Variants in PDE1A observed in about 807,000 individuals in gnomAD.
PDE1A encodes the protein dual specificity calcium/calmodulin-dependent 3',5'-cyclic nucleotide phosphodiesterase 1A.
In PDE1A, 35 loss-of-function variants were observed where a neutral mutation model predicts 61.7. That is an observed-to-expected ratio of 0.57 (90% CI 0.43 to 0.75). The LOEUF is 0.75. PDE1A is among the 30% of genes least tolerant of loss of function. PDE1A has a pLI of 0.00. For synonymous variants in PDE1A, 232 were observed against 213.2 expected (o/e 1.09, Z -0.77); for missense variants, 597 against 630.6 (o/e 0.95, Z 0.57).
chr2:182,178,358 A>G (rs547873960), intron 13 of PDE1A, among the ~76,000 whole-genome samples: 3 of 152,254 alleles, frequency 2.0e-5, no homozygotes. Flanking sequence ...GGTGCCATTC[A>G]AATTGGAGGA....
intron 1 of PDE1A, among the ~76,000 whole-genome samples, chr2:182,397,651 G>A (rs187709606): frequency 6.6e-6 from 1 of 152,208 alleles, no homozygotes; most frequent in East Asian, 1.9e-4. Flanking sequence ...ATACAACGGT[G>A]TCTTTTCAGT....
the PDE1A span, among the ~76,000 whole-genome samples, chr2:182,603,965 C>T: frequency 6.6e-6 from 1 of 151,858 alleles, no homozygotes; most frequent in Non-Finnish European, 1.5e-5. Flanking sequence ...TAAAAGTAAA[C>T]CCTTTCATAA....
At chr2:182,638,907 A>T in the PDE1A span, among the ~76,000 whole-genome samples, 1 of 152,176 alleles carries the variant, frequency 6.6e-6, no homozygotes, top group African/African-American at 2.4e-5. Context: ...AAAGTGTAGC[A>T]AAGATACTCA....
At chr2:182,439,175 G>A (rs1034065089) in intron 2 of PDE1A, among the ~76,000 whole-genome samples, 3 of 151,966 alleles carry the variant, frequency 2.0e-5, no homozygotes, top group African/African-American at 7.2e-5. Context: ...GAAGTATAAT[G>A]GTAAGTTTAT....
intron 3 of PDE1A, among the ~76,000 whole-genome samples, chr2:182,237,735 C>T (rs2125676663): frequency 6.6e-6 from 1 of 152,250 alleles, no homozygotes; most frequent in African/African-American, 2.4e-5. Flanking sequence ...ACCTCTGGAA[C>T]GGTAAAAGGG....
At chr2:182,530,585 A>T in the PDE1A span, among the ~76,000 whole-genome samples, 4 of 152,226 alleles carry the variant, frequency 2.6e-5, no homozygotes, top group Non-Finnish European at 5.9e-5. Context: ...TGGATTTGTC[A>T]TCAGAAACCA....
chr2:182,276,892 C>T (rs1312465238), intron 1 of PDE1A, among the ~76,000 whole-genome samples: 1 of 151,958 alleles, frequency 6.6e-6, no homozygotes, highest in Non-Finnish European at 1.5e-5. Context: ...CTGAAATACG[C>T]CCTGGTCTCC....
chr2:182,235,847 C>T (rs916880280), intron 3 of PDE1A, among the ~76,000 whole-genome samples: 12 of 152,148 alleles, frequency 7.9e-5, no homozygotes, highest in African/African-American at 2.2e-4. Context: ...TTTATAAAAC[C>T]GCTATAGAAG....
intron 2 of PDE1A, among the ~76,000 whole-genome samples, chr2:182,513,008 G>A (rs371886449): frequency 1.3e-5 from 2 of 152,114 alleles, no homozygotes; most frequent in Admixed American, 1.3e-4. Flanking sequence ...GAGAGAGCAA[G>A]CAACTTGGAA....
the PDE1A span, among the ~76,000 whole-genome samples, chr2:182,677,024 A>C: frequency 6.6e-6 from 1 of 152,154 alleles, no homozygotes; most frequent in African/African-American, 2.4e-5. Context: ...ATGCTCTCTC[A>C]CCACTCCTAT....
intron 8 of PDE1A, 120 bp from the exon 9 acceptor site, chr2:182,201,909 T>C (rs551747123): frequency 9.3e-6 from 6 of 643,444 alleles, no homozygotes; most frequent in African/African-American, 9.3e-5. Flanking sequence ...ACACAAAAGA[T>C]GCTACTTTTT....
intron 1 of PDE1A, among the ~76,000 whole-genome samples, chr2:182,363,376 C>A (rs938462103): frequency 6.6e-6 from 1 of 151,532 alleles, no homozygotes; most frequent in Non-Finnish European, 1.5e-5. Context: ...AATATAAATA[C>A]AATGAAGTAT....
the PDE1A span, among the ~76,000 whole-genome samples, chr2:182,674,512 G>T: frequency 2.6e-5 from 4 of 151,936 alleles, no homozygotes; most frequent in Non-Finnish European, 5.9e-5. Context: ...ATCTTAGAAT[G>T]CAGGGCCTAG....
intron 13 of PDE1A, among the ~76,000 whole-genome samples, chr2:182,148,253 A>G (rs1056618970): frequency 6.6e-6 from 1 of 152,106 alleles, no homozygotes; most frequent in Non-Finnish European, 1.5e-5. Flanking sequence ...TTGTTACAGA[A>G]CCCAGAAATG....
At chr2:182,672,195 T>C in the PDE1A span, among the ~76,000 whole-genome samples, 1 of 152,244 alleles carries the variant, frequency 6.6e-6, no homozygotes, top group African/African-American at 2.4e-5. Flanking sequence ...TGAATAGTTA[T>C]ATGGTAATTG....
intron 1 of PDE1A, among the ~76,000 whole-genome samples, chr2:182,306,321 C>T (rs192633908): frequency 2.2e-4 from 33 of 152,220 alleles, no homozygotes; most frequent in African/African-American, 7.7e-4. Flanking sequence ...CTTTGACATA[C>T]TGATTTCAAA....
At chr2:182,540,560 A>G in the PDE1A span, among the ~76,000 whole-genome samples, 1 of 152,082 alleles carries the variant, frequency 6.6e-6, no homozygotes, top group Non-Finnish European at 1.5e-5. Flanking sequence ...TAGAATAACT[A>G]CTTCTTAAAA....
At chr2:182,534,363 G>C in the PDE1A span, among the ~76,000 whole-genome samples, 621 of 151,820 alleles carry the variant, frequency 4.1e-3, no homozygotes, top group Non-Finnish European at 6.8e-3. Context: ...AATTTGCATA[G>C]AAAACATATT....
chr2:182,385,629 G>T (rs1190944237), intron 1 of PDE1A, among the ~76,000 whole-genome samples: 1 of 86,512 alleles, frequency 1.2e-5, no homozygotes, highest in Non-Finnish European at 2.6e-5. Context: ...CAGAAAGAAA[G>T]AAAGAAAGAA....
Sources: allele counts gnomAD v4.1 joint callset (sites outside exome capture counted in the v4.1 genomes callset), GRCh38; gene constraint gnomAD v4.1.1; transcripts MANE v1.5; gene names NCBI Gene and HGNC (gene_info 2026-07-23, HGNC 2026-07-21).